The following HEMK2 variants were observed in gnomAD, a reference collection of about 807,000 sequenced individuals.
HEMK2 encodes the protein HemK methyltransferase 2, ETF1 glutamine and histone H4 lysine.
the HEMK2 span, among the ~76,000 whole-genome samples, chr21:28,846,796 C>T: frequency 6.6e-6 from 1 of 152,142 alleles, no homozygotes; most frequent in South Asian, 2.1e-4. Context: ...CCACCATCTA[C>T]CCTCAAGTAA....
At chr21:28,877,160 GAGAAAGAA>G in the HEMK2 span, among the ~76,000 whole-genome samples, 1 of 118,584 alleles carries the variant, frequency 8.4e-6, no homozygotes, top group East Asian at 2.7e-4. Flanking sequence ...GAGAAAGAAA[GAGAAAGAA>G]AGAAAGAAAG....
chr21:28,701,546 CCACACACACACATACACACACA>C, the HEMK2 span, among the ~76,000 whole-genome samples: 102 of 119,960 alleles, frequency 8.5e-4, no homozygotes, highest in African/African-American at 3.6e-3. Flanking sequence ...TTCACAATAG[CCACACACACACATACACACACA>C]CACACACACA....
the HEMK2 span, among the ~76,000 whole-genome samples, chr21:28,606,662 T>C: frequency 1.9e-4 from 29 of 152,220 alleles, no homozygotes; most frequent in Non-Finnish European, 2.1e-4. Flanking sequence ...TATTTATTCA[T>C]TCATTTATTT....
the HEMK2 span, among the ~76,000 whole-genome samples, chr21:28,880,538 C>A: frequency 6.6e-6 from 1 of 152,070 alleles, no homozygotes; most frequent in Admixed American, 6.6e-5. Flanking sequence ...TCGAGACCAG[C>A]CTCGCCAACC....
At chr21:28,682,150 C>T in the HEMK2 span, among the ~76,000 whole-genome samples, 1 of 151,858 alleles carries the variant, frequency 6.6e-6, no homozygotes, top group African/African-American at 2.4e-5. Context: ...GCAATCTACT[C>T]ATCTGACAAA....
chr21:28,591,493 A>G, the HEMK2 span, among the ~76,000 whole-genome samples: 2 of 152,246 alleles, frequency 1.3e-5, no homozygotes, highest in African/African-American at 4.8e-5. Context: ...ACATATGCAA[A>G]TAATATATTT....
the HEMK2 span, among the ~76,000 whole-genome samples, chr21:28,735,770 A>G: frequency 1.3e-5 from 2 of 152,214 alleles, no homozygotes; most frequent in Non-Finnish European, 2.9e-5. Flanking sequence ...TAACCTCCCT[A>G]TCTTATGCTC....
chr21:28,866,157 AAAACAAAC>A, the HEMK2 span, among the ~76,000 whole-genome samples: 75 of 91,040 alleles, frequency 8.2e-4, 5 homozygotes, highest in African/African-American at 9.8e-4. Context: ...AGAAAAAACA[AAAACAAAC>A]AAAAAAAAAA....
At chr21:28,677,762 C>A in the HEMK2 span, among the ~76,000 whole-genome samples, 1 of 152,214 alleles carries the variant, frequency 6.6e-6, no homozygotes, top group Non-Finnish European at 1.5e-5. Flanking sequence ...TCTGCAGCCT[C>A]CGCTGCTGAT....
chr21:28,881,235 G>A, the HEMK2 span, among the ~76,000 whole-genome samples: 1 of 152,144 alleles, frequency 6.6e-6, no homozygotes, highest in Non-Finnish European at 1.5e-5. Flanking sequence ...ACTTTTGTTA[G>A]GGAAGCTCTA....
chr21:28,626,716 T>A, the HEMK2 span: 11 of 151,970 alleles, frequency 7.2e-5, no homozygotes, highest in Non-Finnish European at 1.6e-4. Flanking sequence ...AAAATTTTTT[T>A]AAAAGGGCAA....
At chr21:28,833,647 T>G in the HEMK2 span, among the ~76,000 whole-genome samples, 2 of 152,234 alleles carry the variant, frequency 1.3e-5, no homozygotes, top group Non-Finnish European at 2.9e-5. Context: ...TAAAAATGTT[T>G]TTCCAAATTT....
At chr21:28,695,419 A>T in the HEMK2 span, among the ~76,000 whole-genome samples, 1 of 152,248 alleles carries the variant, frequency 6.6e-6, no homozygotes, top group Non-Finnish European at 1.5e-5. Context: ...TGGGTAATTT[A>T]TAAAGAGGAA....
the HEMK2 span, among the ~76,000 whole-genome samples, chr21:28,730,117 C>T: frequency 0.5 from 75,186 of 151,654 alleles, 21,229 homozygotes; most frequent in East Asian, 0.78. Flanking sequence ...GTGGCTCAGA[C>T]CTATAATCCC....
the HEMK2 span, among the ~76,000 whole-genome samples, chr21:28,843,375 A>G: frequency 6.6e-6 from 1 of 152,120 alleles, no homozygotes; most frequent in Non-Finnish European, 1.5e-5. Context: ...AGCATGGGGG[A>G]AACAACCCCC....
the HEMK2 span, among the ~76,000 whole-genome samples, chr21:28,586,283 C>T: frequency 0.71 from 107,638 of 152,096 alleles, 38,796 homozygotes; most frequent in South Asian, 0.78. Context: ...AGTCTTATAC[C>T]ACCATAAAAA....
At chr21:28,870,887 T>A in the HEMK2 span, among the ~76,000 whole-genome samples, 1 of 152,216 alleles carries the variant, frequency 6.6e-6, no homozygotes, top group African/African-American at 2.4e-5. Context: ...TACGTAATTA[T>A]GTTTGTAAAC....
the HEMK2 span, among the ~76,000 whole-genome samples, chr21:28,697,778 C>CAAAAAAAAAAAAAAAAAAAAAAAAAAAAA: frequency 1.3e-5 from 1 of 79,554 alleles, no homozygotes. Flanking sequence ...ATCATGAGCC[C>CAAAAAAAAAAAAAAAAAAAAAAAAAAAAA]AAAAAAAAAA....
At chr21:28,818,733 G>A in the HEMK2 span, among the ~76,000 whole-genome samples, 2 of 152,120 alleles carry the variant, frequency 1.3e-5, no homozygotes, top group Non-Finnish European at 2.9e-5. Context: ...CAGTCCGTGG[G>A]GCTCAATAAT....
Sources: gnomAD v4.1 joint callset for allele counts (sites outside exome capture counted in the v4.1 genomes callset) on GRCh38, gnomAD v4.1.1 for gene constraint, MANE v1.5 for transcripts, NCBI Gene and HGNC (gene_info 2026-07-23, HGNC 2026-07-21) for gene names.